Variants in RAVER2 observed in about 807,000 individuals in gnomAD.
RAVER2 encodes ribonucleoprotein PTB-binding 2.
Under a neutral mutation model 78.1 loss-of-function variants are expected in RAVER2, and 46 were observed. That is an observed-to-expected ratio of 0.59 (90% confidence interval 0.46 to 0.75). The LOEUF is 0.75. RAVER2 is among the 30% of genes least tolerant of loss of function. The probability of loss-of-function intolerance (pLI) is 0.00; values close to 1 mark genes in which losing one functional copy is unlikely to be tolerated. For missense variants in RAVER2, 793 were observed against 837.5 expected (o/e 0.95, Z 0.66); for synonymous variants, 311 against 313.3 (o/e 0.99, Z 0.08).
exon 9 of RAVER2, chr1:64,807,349 G>C: frequency 1.9e-6 from 3 of 1,614,150 alleles, no homozygotes; most frequent in Non-Finnish European, 2.5e-6. Flanking sequence ...GGGAATGGCA[G>C]AAGGAAATTT....
exon 9 of RAVER2, chr1:64,807,329 C>T: frequency 6.2e-7 from 1 of 1,614,076 alleles, no homozygotes; most frequent in Non-Finnish European, 8.5e-7. Context: ...GAGAAACAGC[C>T]AGCCACGGTG....
intron 3 of RAVER2, among the ~76,000 whole-genome samples, chr1:64,779,251 A>G (rs901175441): frequency 1.4e-4 from 22 of 152,026 alleles, no homozygotes; most frequent in Non-Finnish European, 2.4e-4. Flanking sequence ...TCTAACTGAA[A>G]TGTTGCATCT....
At chr1:64,764,833 A>G (rs1652128582) in intron 1 of RAVER2, among the ~76,000 whole-genome samples, 1 of 152,202 alleles carries the variant, frequency 6.6e-6, no homozygotes, top group Non-Finnish European at 1.5e-5. Context: ...AAGGCCTTCA[A>G]CTGATTGGAT....
At chr1:64,789,364 T>C in intron 4 of RAVER2, 24 bp from the exon 5 acceptor site, 1 of 1,565,496 alleles carries the variant, frequency 6.4e-7, no homozygotes. Context: ...GTTCTAATGT[T>C]TCTTATTTCT....
At chr1:64,822,269 C>T (rs942158827) in intron 11 of RAVER2, among the ~76,000 whole-genome samples, 1 of 152,210 alleles carries the variant, frequency 6.6e-6, no homozygotes, top group Non-Finnish European at 1.5e-5. Context: ...GCCCAGGTGA[C>T]AGAGCGAGAC....
At chr1:64,828,157 A>ACCCC (rs200329508) in intron 11 of RAVER2, among the ~76,000 whole-genome samples, 1 of 51,218 alleles carries the variant, frequency 2.0e-5, no homozygotes, top group Non-Finnish European at 4.0e-5. Flanking sequence ...TTTCAAACCC[A>ACCCC]CCCCCCCCAC....
At chr1:64,815,084 A>G (rs1653722001) in intron 11 of RAVER2, 1 of 257,634 alleles carries the variant, frequency 3.9e-6, no homozygotes, top group South Asian at 1.5e-4. Context: ...CAGCCCATAG[A>G]ACAAATCTAG....
intron 1 of RAVER2, among the ~76,000 whole-genome samples, chr1:64,752,881 G>A (rs1651738917): frequency 6.6e-6 from 1 of 152,162 alleles, no homozygotes; most frequent in South Asian, 2.1e-4. Flanking sequence ...GGCTCTGGCT[G>A]CAGCTGACAG....
intron 1 of RAVER2, among the ~76,000 whole-genome samples, chr1:64,759,363 G>A (rs1651948991): frequency 6.6e-6 from 1 of 151,282 alleles, no homozygotes; most frequent in East Asian, 2.0e-4. Context: ...GGAACTACAA[G>A]GCGCCCGCCA....
intron 11 of RAVER2, among the ~76,000 whole-genome samples, chr1:64,816,735 C>T (rs992856822): frequency 6.6e-6 from 1 of 152,268 alleles, no homozygotes; most frequent in Admixed American, 6.5e-5. Flanking sequence ...CTTCCTTACA[C>T]CTTATACAAA....
At chr1:64,830,998 C>T in exon 12 of RAVER2, 1 of 1,610,208 alleles carries the variant, frequency 6.2e-7, no homozygotes. Context: ...TAAGCTCTCT[C>T]CTAATAACCC....
intron 9 of RAVER2, 55 bp from the exon 10 acceptor site, chr1:64,812,683 T>A (rs1347010434): frequency 8.4e-7 from 1 of 1,186,260 alleles, no homozygotes; most frequent in African/African-American, 1.6e-5. Context: ...TATTCTTTAT[T>A]TTTATTTTCG....
At chr1:64,750,228 C>A (rs968886082) in intron 1 of RAVER2, among the ~76,000 whole-genome samples, 2 of 152,002 alleles carry the variant, frequency 1.3e-5, no homozygotes, top group Non-Finnish European at 2.9e-5. Flanking sequence ...GAATCACAAA[C>A]AACCAAATGT....
intron 4 of RAVER2, among the ~76,000 whole-genome samples, chr1:64,787,545 C>G (rs1652815225): frequency 1.3e-5 from 2 of 152,296 alleles, no homozygotes; most frequent in South Asian, 4.1e-4. Context: ...CCTTCCTCTG[C>G]TGTAACTCTT....
intron 5 of RAVER2, among the ~76,000 whole-genome samples, chr1:64,793,805 C>T (rs922759644): frequency 3.3e-5 from 5 of 152,182 alleles, no homozygotes; most frequent in South Asian, 2.1e-4. Flanking sequence ...TAAGAGGAAT[C>T]GCACAGTCTG....
Position 64,775,070 on chromosome 1 carries a change from T to C in RAVER2, c.317-2553T>C, listed in dbSNP as rs373408221. On this transcript the variant is annotated intron_variant, in intron 2 of 11. Coordinates refer to ENST00000294428, the Ensembl canonical transcript of RAVER2. The stretch of plus-strand genomic sequence containing the variant: ...GAAGTTGCTTATCAGCTTAAGGAGA[T>C]TGTGGGCTGAGATGATGGGGTTTTC... 5.9e-5 allele frequency among the ~76,000 whole-genome samples: 9 copies of C among 152,286 alleles called. No homozygotes were observed. In the South Asian group the frequency reaches 1.9e-3, roughly 32 times the overall value.
At chr1:64,777,023 AG>A (rs1195460575) in intron 2 of RAVER2, among the ~76,000 whole-genome samples, 5 of 152,296 alleles carry the variant, frequency 3.3e-5, no homozygotes, top group African/African-American at 1.2e-4. Context: ...ATTCATCAAA[AG>A]TGTACCAAAT....
intron 1 of RAVER2, among the ~76,000 whole-genome samples, chr1:64,750,365 A>G (rs148509003): frequency 0.011 from 1,632 of 149,798 alleles, 34 homozygotes; most frequent in African/African-American, 0.038. Flanking sequence ...GCTGGAGTGC[A>G]GTGGTGTGAT....
chr1:64,760,900 A>G (rs1652001532), intron 1 of RAVER2, among the ~76,000 whole-genome samples: 3 of 152,236 alleles, frequency 2.0e-5, no homozygotes, highest in Admixed American at 1.3e-4. Flanking sequence ...CTTAAGGTAC[A>G]CCACTGTATA....
Sources: gnomAD v4.1 joint callset for allele counts (sites outside exome capture counted in the v4.1 genomes callset) on GRCh38, gnomAD v4.1.1 for gene constraint, MANE v1.5 for transcripts, NCBI Gene and HGNC (gene_info 2026-07-23, HGNC 2026-07-21) for gene names.